The following IRAK2 variants were observed in gnomAD, a reference collection of about 807,000 sequenced individuals.
IRAK2 encodes the protein interleukin 1 receptor associated kinase 2.
IRAK2 carries 57 observed loss-of-function variants against 72.0 expected under a neutral mutation model. That is an observed-to-expected ratio of 0.79 (90% confidence interval 0.64 to 0.99). The LOEUF (loss-of-function observed/expected upper bound fraction) is 0.99. Among genes scored for constraint, IRAK2 ranks in the 50% least tolerant of loss-of-function variants. IRAK2 has a pLI of 0.00. For missense variants in IRAK2, 790 were observed against 794.4 expected (o/e 0.99, Z 0.07); for synonymous variants, 293 against 312.7 (o/e 0.94, Z 0.67).
chr3:10,229,747 G>T (rs929664636), intron 10 of IRAK2, among the ~76,000 whole-genome samples: 2 of 152,068 alleles, frequency 1.3e-5, no homozygotes, highest in African/African-American at 4.8e-5. Context: ...TGGACATTTG[G>T]GTTATTTCCA....
intron 8 of IRAK2, among the ~76,000 whole-genome samples, chr3:10,222,139 C>T (rs1164025090): frequency 2.0e-5 from 3 of 152,054 alleles, no homozygotes; most frequent in Admixed American, 6.6e-5. Context: ...CTGCCCATCT[C>T]GGCCTCCCAA....
At position 10,189,988 on chromosome 3, in the gene IRAK2, C is replaced by T. The variant is rs559621400; in HGVS notation, c.278-10381C>T. 2.0e-5 allele frequency among the ~76,000 whole-genome samples: 3 copies of T among 152,034 alleles called. No individual in the cohort carries two copies. In the South Asian group the frequency reaches 6.2e-4, roughly 32 times the overall value. On this transcript the variant is annotated intron_variant, in intron 2 of 12. Transcript: ENST00000256458. ...GGTTCTAGTAATAGCTTGTGTTTAG[C>T]ACCTGATATGTGCCAGGTAAGCATC...
chr3:10,195,003 C>G lies in IRAK2; in HGVS notation c.278-5366C>G, dbSNP rs1575966426. Among the ~76,000 whole-genome samples, 3 of 152,286 alleles carry G rather than the reference C, an allele frequency of 2.0e-5. No individual in the cohort carries two copies. In the South Asian group the frequency reaches 6.2e-4, roughly 32 times the overall value. On this transcript the variant is annotated intron_variant, in intron 2 of 12. Transcript: ENST00000256458. ...GGTAGCCCTGCCGACACCGCCCCTCCCCATCTGTTCCTCACTCCTGCTCAC... is the reference window on the plus strand; with the variant it reads ...GGTAGCCCTGCCGACACCGCCCCTCGCCATCTGTTCCTCACTCCTGCTCAC...
At position 10,213,486 on chromosome 3, in the gene IRAK2, A is replaced by G; in HGVS notation, c.726A>G (p.Thr242=). 1 of 1,614,142 alleles carries G rather than the reference A, an allele frequency of 6.2e-7. No homozygotes were observed. Among genetic ancestry groups the G allele is most frequent in the Non-Finnish European group, 8.5e-7 (1 of 1,179,988 alleles). ...KPFVFKKLRE[T]ACSSPGSIER... ...TGTTCTGATGTCTTTCTCTACAGAC[A>G]GCCTGTTCAAGTCCAGGATCAATCG... Residue 242 remains threonine, a splice_region_variant and synonymous_variant, in exon 6 of 13, where the codon ACA becomes ACG. Coordinates refer to ENST00000256458, the MANE Select transcript of IRAK2 (RefSeq NM_001570.4).
intron 1 of IRAK2, among the ~76,000 whole-genome samples, chr3:10,174,692 TTTTTGTA>T (rs1301111298): frequency 6.6e-6 from 1 of 151,968 alleles, no homozygotes; most frequent in Non-Finnish European, 1.5e-5. Flanking sequence ...GCTTGGCTAA[TTTTTGTA>T]TTTTTAGTGG....
intron 2 of IRAK2, among the ~76,000 whole-genome samples, chr3:10,185,779 C>T (rs1007656923): frequency 4.0e-5 from 6 of 150,954 alleles, no homozygotes; most frequent in Non-Finnish European, 5.9e-5. Context: ...GGGAGGCTGA[C>T]GCAGGAGAAT....
At chr3:10,178,693 C>A (rs544665727) in intron 2 of IRAK2, among the ~76,000 whole-genome samples, 6 of 152,188 alleles carry the variant, frequency 3.9e-5, no homozygotes, top group Non-Finnish European at 7.3e-5. Context: ...CATATTGCTT[C>A]TTTTCCCCAC....
At chr3:10,217,294 A>G in intron 7 of IRAK2, among the ~76,000 whole-genome samples, 1 of 152,214 alleles carries the variant, frequency 6.6e-6, no homozygotes, top group East Asian at 1.9e-4. Context: ...ATGACAAAAT[A>G]TGAAAAAGAA....
In IRAK2 at chr3:10,177,943, G is replaced by A. The variant is rs369704241; in HGVS notation, c.200G>A (p.Arg67Gln). 1.5e-5 allele frequency: 24 copies of A among 1,613,592 alleles called. No individual in the cohort carries two copies. Among genetic ancestry groups the A allele is most frequent in the African/African-American group, 1.3e-4 (10 of 74,912 alleles). Reference sequence around the variant, plus strand: ...GAGCTGCTGTGGTGGTGGGGCATGCGGCAGGCCACCGTCCAGCAACTTGTG... The same window carrying A: ...GAGCTGCTGTGGTGGTGGGGCATGCAGCAGGCCACCGTCCAGCAACTTGTG... Reference protein sequence around the residue: ...TRELLWWWGMRQATVQQLVDL... With the variant: ...TRELLWWWGMQQATVQQLVDL... Residue 67 changes from arginine (R) to glutamine (Q), a missense_variant, in exon 2 of 13, where the codon CGG becomes CAG. Arg to Gln is a conservative substitution (Grantham distance 43). Transcript: ENST00000256458.
Position 10,195,052 on chromosome 3 carries a change from G to A in IRAK2, c.278-5317G>A, listed in dbSNP as rs3852024. The stretch of plus-strand genomic sequence containing the variant: ...ACTTCCAAATGCCCTGTGGTGCCAG[G>A]TGGGGCCACCGCATGTCACTGCAGA... On this transcript the variant is annotated intron_variant, in intron 2 of 12. Coordinates refer to ENST00000256458, the MANE Select transcript of IRAK2 (RefSeq NM_001570.4). 3.0e-3 allele frequency among the ~76,000 whole-genome samples: 460 copies of A among 152,270 alleles called. 4 individuals carry two copies. Among genetic ancestry groups the A allele is most frequent in the African/African-American group, 0.011 (444 of 41,552 alleles).
At chr3:10,168,816 C>G (rs902822636) in intron 1 of IRAK2, among the ~76,000 whole-genome samples, 21 of 152,182 alleles carry the variant, frequency 1.4e-4, no homozygotes. Flanking sequence ...GGGCCAGACA[C>G]AGGGTCTTTG....
chr3:10,184,531 A>G (rs541289341), intron 2 of IRAK2, among the ~76,000 whole-genome samples: 2 of 147,742 alleles, frequency 1.4e-5, no homozygotes, highest in South Asian at 2.1e-4. Context: ...TCTCAACCAA[A>G]GAGAAGCTGT....
At chr3:10,195,875 G>A (rs957223050) in intron 2 of IRAK2, among the ~76,000 whole-genome samples, 10 of 152,162 alleles carry the variant, frequency 6.6e-5, no homozygotes, top group Admixed American at 2.0e-4. Flanking sequence ...AGGAGCATAA[G>A]CCCCACTTGA....
intron 12 of IRAK2, among the ~76,000 whole-genome samples, chr3:10,240,558 C>CCCCCCCTTTT (rs1274154130): frequency 5.5e-5 from 1 of 18,066 alleles, no homozygotes; most frequent in Non-Finnish European, 8.2e-5. Context: ...CCCCCCCCGC[C>CCCCCCCTTTT]TTTTTTTTTT....
chr3:10,192,629 A>C (rs137861855), intron 2 of IRAK2, among the ~76,000 whole-genome samples: 1 of 152,232 alleles, frequency 6.6e-6, no homozygotes, highest in African/African-American at 2.4e-5. Context: ...AGAACTTAGG[A>C]AAAAAAGCCT....
intron 1 of IRAK2, among the ~76,000 whole-genome samples, chr3:10,167,723 T>C (rs1192023792): frequency 6.6e-6 from 1 of 152,034 alleles, no homozygotes; most frequent in Admixed American, 6.5e-5. Context: ...CCAGTTTCTT[T>C]TTATTGTAGG....
intron 4 of IRAK2, among the ~76,000 whole-genome samples, chr3:10,212,742 G>C (rs974839906): frequency 3.3e-5 from 5 of 151,146 alleles, no homozygotes; most frequent in African/African-American, 1.2e-4. Flanking sequence ...GCTGGGATTT[G>C]AGCTTGGGCC....
chr3:10,167,296 G>C (rs1407631688), intron 1 of IRAK2, among the ~76,000 whole-genome samples: 1 of 152,114 alleles, frequency 6.6e-6, no homozygotes, highest in Admixed American at 6.6e-5. Context: ...CTGAGTTTTA[G>C]ACATTGCCTA....
chr3:10,221,159 A>G (rs1239678235), intron 8 of IRAK2, among the ~76,000 whole-genome samples: 6 of 150,842 alleles, frequency 4.0e-5, no homozygotes, highest in Admixed American at 1.3e-4. Context: ...TTGGGTGGCC[A>G]AGGCGGGCAG....
Sources: gnomAD v4.1 joint callset for allele counts (sites outside exome capture counted in the v4.1 genomes callset) on GRCh38, gnomAD v4.1.1 for gene constraint, MANE v1.5 for transcripts, NCBI Gene and HGNC (gene_info 2026-07-23, HGNC 2026-07-21) for gene names.